Variants in ZFP64 observed in about 807,000 individuals in gnomAD.
ZFP64 encodes the protein ZFP64 zinc finger protein.
ZFP64 carries 14 observed loss-of-function variants against 51.6 expected under a neutral mutation model. The observed-to-expected ratio is 0.27, with a 90% CI of 0.18 to 0.42. The LOEUF (loss-of-function observed/expected upper bound fraction) is 0.42, where lower values mean the gene tolerates loss of function less well. Among genes scored for constraint, ZFP64 ranks in the 10% least tolerant of loss-of-function variants. The pLI is 1.00. For missense variants in ZFP64, 754 were observed against 906.8 expected (o/e 0.83, Z 2.16); for synonymous variants, 375 against 361.4 (o/e 1.04, Z -0.43).
At chr20:52,105,443 C>T (rs917378056) in intron 5 of ZFP64, 28 of 1,114,224 alleles carry the variant, frequency 2.5e-5, no homozygotes, top group Non-Finnish European at 3.1e-5. Context: ...ACTTGCGGTC[C>T]GCTCCCGGGC....
At chr20:52,117,903 C>T (rs1350536349) in intron 5 of ZFP64, among the ~76,000 whole-genome samples, 1 of 152,070 alleles carries the variant, frequency 6.6e-6, no homozygotes, top group African/African-American at 2.4e-5. Flanking sequence ...TTAAGCCATC[C>T]TCCTGCCTCA....
At position 52,085,324 on chromosome 20, in the gene ZFP64, C is replaced by T; in HGVS notation, c.1229-58G>A. The T allele has an allele frequency of 6.6e-7, 1 of 1,511,844 alleles. No individual in the cohort carries two copies. Among genetic ancestry groups the T allele is most frequent in the East Asian group, 2.4e-5 (1 of 42,436 alleles). 93.7% of individuals were successfully genotyped at this position (1,511,844 alleles called of 1,614,324 possible). ...GGCAGGCAAAACAGACCCTCCCACCCCAACCTGCCTTAGCACACTTGGCCG... is the reference window on the plus strand; with the variant it reads ...GGCAGGCAAAACAGACCCTCCCACCTCAACCTGCCTTAGCACACTTGGCCG... On this transcript the variant is annotated intron_variant, in intron 8 of 8. Coordinates refer to the ZFP64 transcript ENST00000361387. The surrounding 1 kb of genome is among the most constrained non-coding windows in gnomAD (Gnocchi z 4.3).
At chr20:52,118,498 G>A (rs1446558056) in intron 5 of ZFP64, among the ~76,000 whole-genome samples, 5 of 152,158 alleles carry the variant, frequency 3.3e-5, no homozygotes, top group Admixed American at 3.3e-4. Flanking sequence ...ATCCTTTGTG[G>A]CAGGAGTGAA....
intron 5 of ZFP64, among the ~76,000 whole-genome samples, chr20:52,135,411 C>T (rs1432632647): frequency 1.3e-5 from 2 of 152,152 alleles, no homozygotes; most frequent in South Asian, 2.1e-4. Context: ...ACAGAAAAAA[C>T]ACTGCTGATT....
At chr20:52,155,026 T>A (rs1167122972) in intron 5 of ZFP64, among the ~76,000 whole-genome samples, 1 of 152,110 alleles carries the variant, frequency 6.6e-6, no homozygotes, top group African/African-American at 2.4e-5. Flanking sequence ...ATGTTTTAAA[T>A]GTACCAAATA....
intron 4 of ZFP64, among the ~76,000 whole-genome samples, chr20:52,164,430 T>G (rs1157906786): frequency 2.0e-5 from 3 of 152,202 alleles, no homozygotes; most frequent in African/African-American, 7.2e-5. Flanking sequence ...TTTGGCAGAA[T>G]CATTTTCAAA....
chr20:52,173,815 A>AT (rs1156477879), intron 2 of ZFP64, among the ~76,000 whole-genome samples: 1 of 151,792 alleles, frequency 6.6e-6, no homozygotes, highest in Admixed American at 6.6e-5. Flanking sequence ...TGCCTGGCTA[A>AT]TTTTTGTATT....
downstream of ZFP64, among the ~76,000 whole-genome samples, chr20:52,148,756 C>T (rs569902985): frequency 4.6e-4 from 68 of 147,858 alleles, no homozygotes; most frequent in South Asian, 5.0e-3. Flanking sequence ...CATTGAAAAA[C>T]AAATAAGCAA....
chr20:52,090,011 A>G (rs1273969923), intron 7 of ZFP64, among the ~76,000 whole-genome samples: 1 of 152,230 alleles, frequency 6.6e-6, no homozygotes, highest in African/African-American at 2.4e-5. Context: ...TTAGAAATGG[A>G]AGATACAGCT....
intron 5 of ZFP64, among the ~76,000 whole-genome samples, chr20:52,107,780 G>A (rs1978344491): frequency 6.6e-6 from 1 of 152,158 alleles, no homozygotes; most frequent in Non-Finnish European, 1.5e-5. Flanking sequence ...TGGGCAATTG[G>A]GCCTTTGCCA....
At chr20:52,181,057 C>T (rs1391987355) in intron 2 of ZFP64, among the ~76,000 whole-genome samples, 1 of 152,200 alleles carries the variant, frequency 6.6e-6, no homozygotes, top group Admixed American at 6.5e-5. Context: ...ATTCTCCTGC[C>T]TCAGCCTCCC....
At chr20:52,163,374 A>G (rs1225675630) in intron 4 of ZFP64, among the ~76,000 whole-genome samples, 2 of 152,164 alleles carry the variant, frequency 1.3e-5, no homozygotes, top group African/African-American at 4.8e-5. Flanking sequence ...AAAAACAAAA[A>G]CCAAAACAAA....
At chr20:52,098,661 T>C in intron 5 of ZFP64, 1 of 1,589,390 alleles carries the variant, frequency 6.3e-7, no homozygotes. Context: ...ACAGTAGGTT[T>C]GGGCTTATTT....
intron 5 of ZFP64, among the ~76,000 whole-genome samples, chr20:52,136,361 C>G (rs1024068244): frequency 3.9e-5 from 6 of 152,024 alleles, no homozygotes; most frequent in African/African-American, 1.4e-4. Context: ...GGGAAAGAAA[C>G]CCCAGGTTGT....
intron 7 of ZFP64, among the ~76,000 whole-genome samples, chr20:52,095,052 G>A (rs6091439): frequency 0.26 from 38,869 of 152,134 alleles, 6,630 homozygotes; most frequent in African/African-American, 0.49. Context: ...GAAAGAGAAA[G>A]CTTATTTGCA....
chr20:52,111,944 T>G (rs117427009), intron 5 of ZFP64, among the ~76,000 whole-genome samples: 31,417 of 151,842 alleles, frequency 0.21, 3,634 homozygotes, highest in Admixed American at 0.27. Context: ...TTAGCTGGGA[T>G]TGGTGGTGGG....
intron 2 of ZFP64, among the ~76,000 whole-genome samples, chr20:52,185,582 T>TC (rs1465886745): frequency 7.0e-6 from 1 of 143,224 alleles, no homozygotes; most frequent in African/African-American, 2.6e-5. Context: ...CTTTGCACTT[T>TC]TTTTTTTTTT....
At chr20:52,145,365 A>G (rs1002512147) in intron 5 of ZFP64, among the ~76,000 whole-genome samples, 6 of 152,208 alleles carry the variant, frequency 3.9e-5, no homozygotes, top group African/African-American at 1.4e-4. Context: ...TAGAAAAGGT[A>G]CTGTAGCCCA....
At chr20:52,110,251 C>G (rs891794703) in intron 5 of ZFP64, 6 of 295,600 alleles carry the variant, frequency 2.0e-5, no homozygotes, top group Admixed American at 9.8e-5. Context: ...CTTTTCCCAC[C>G]AACCCCTTAT....
Sources: allele counts gnomAD v4.1 joint callset (sites outside exome capture counted in the v4.1 genomes callset), GRCh38; gene constraint gnomAD v4.1.1; non-coding constraint Gnocchi (gnomAD v3.1); transcripts MANE v1.5; gene names NCBI Gene and HGNC (gene_info 2026-07-23, HGNC 2026-07-21).